Variants in GRIA1 observed in about 807,000 individuals in gnomAD.
The protein encoded by GRIA1 is glutamate ionotropic receptor AMPA type subunit 1, also known as glutamate receptor 1.
In GRIA1, 31 loss-of-function variants were observed where a neutral mutation model predicts 99.2. The ratio of observed to expected loss-of-function variants is 0.31; its 90% CI spans 0.23 to 0.42. The LOEUF (loss-of-function observed/expected upper bound fraction) is 0.42. GRIA1 is among the 10% of genes least tolerant of loss of function. GRIA1 has a pLI of 1.00. For missense variants in GRIA1, 782 were observed against 1,157.5 expected (o/e 0.68, Z 4.71); for synonymous variants, 438 against 432.4 (o/e 1.01, Z -0.16).
At chr5:153,763,102 T>C (rs6891142) in intron 11 of GRIA1, among the ~76,000 whole-genome samples, 8,009 of 152,276 alleles carry the variant, frequency 0.053, 234 homozygotes, top group Middle Eastern at 0.13. Flanking sequence ...AGCATTCTTT[T>C]CCACATAGCA....
In GRIA1 at chr5:153,656,383, TTATA is replaced by T. The variant is rs60245651; in HGVS notation, c.699+539_699+542del. 6.0e-4 allele frequency among the ~76,000 whole-genome samples: 56 copies of T among 92,660 alleles called. 2 individuals are homozygous for T. The highest frequency in any genetic ancestry group is 1.1e-3 in the African/African-American group (26 of 23,628). The allele number at this position is 92,660 out of a possible 152,430, so 60.8% of individuals were successfully genotyped here. A position where few individuals can be genotyped will look rare whatever the true frequency, so the allele number is the denominator to read the frequency against. ...TTCTATATGGCATAGATAAGTTTGT[TTATA>T]TATATATATATATATATATATATAT... On this transcript the variant is annotated intron_variant, in intron 5 of 15. Coordinates refer to ENST00000285900, the MANE Select transcript of GRIA1 (RefSeq NM_000827.4).
chr5:153,625,334 C>T (rs931819515), intron 2 of GRIA1, among the ~76,000 whole-genome samples: 21 of 152,218 alleles, frequency 1.4e-4, no homozygotes, highest in African/African-American at 5.1e-4. Flanking sequence ...CCCAGCTATT[C>T]AGCATCCATT....
At chr5:153,631,309 C>A (rs1752950142) in intron 2 of GRIA1, among the ~76,000 whole-genome samples, 1 of 152,222 alleles carries the variant, frequency 6.6e-6, no homozygotes, top group African/African-American at 2.4e-5. Context: ...GAGTCAAAAG[C>A]TCCTGGCCAG....
At chr5:153,647,938 G>A (rs17593685) in intron 3 of GRIA1, among the ~76,000 whole-genome samples, 8,022 of 152,254 alleles carry the variant, frequency 0.053, 307 homozygotes, top group Non-Finnish European at 0.075. Flanking sequence ...GTGGATGGGA[G>A]CACTCTCTCC....
intron 2 of GRIA1, among the ~76,000 whole-genome samples, chr5:153,544,324 C>A (rs1290021640): frequency 6.6e-6 from 1 of 152,100 alleles, no homozygotes; most frequent in Admixed American, 6.6e-5. Context: ...TGGCAACAGG[C>A]AATGGGTCTG....
chr5:153,699,307 C>T (rs4635983), intron 10 of GRIA1, among the ~76,000 whole-genome samples: 15,292 of 152,194 alleles, frequency 0.1, 871 homozygotes, highest in African/African-American at 0.15. Flanking sequence ...AGTTGATTGT[C>T]GTCCAACACA....
intron 2 of GRIA1, among the ~76,000 whole-genome samples, chr5:153,646,586 T>C (rs1754166486): frequency 6.6e-6 from 1 of 152,196 alleles, no homozygotes. Flanking sequence ...AGGTAATAGA[T>C]GAAAGTGTCT....
intron 11 of GRIA1, among the ~76,000 whole-genome samples, chr5:153,720,360 A>C (rs1759968820): frequency 6.6e-6 from 1 of 152,224 alleles, no homozygotes; most frequent in Non-Finnish European, 1.5e-5. Context: ...GCAAATGAAA[A>C]GAGACAGGAG....
chr5:153,731,754 T>C, intron 11 of GRIA1, among the ~76,000 whole-genome samples: 1 of 152,166 alleles, frequency 6.6e-6, no homozygotes, highest in East Asian at 1.9e-4. Context: ...GGGAACAGGG[T>C]GATAACATTT....
At chr5:153,535,149 T>C (rs1758449663) in intron 2 of GRIA1, among the ~76,000 whole-genome samples, 1 of 152,146 alleles carries the variant, frequency 6.6e-6, no homozygotes, top group Non-Finnish European at 1.5e-5. Flanking sequence ...CTTGAACTCC[T>C]GACCTCAAGC....
chr5:153,492,787 CA>C (rs397716942), intron 1 of GRIA1, among the ~76,000 whole-genome samples: 12 of 146,806 alleles, frequency 8.2e-5, no homozygotes, highest in Non-Finnish European at 1.2e-4. Context: ...CTACTGTTTT[CA>C]AAAAAAAAAG....
chr5:153,742,498 G>A (rs1561820399), intron 11 of GRIA1, among the ~76,000 whole-genome samples: 1 of 152,140 alleles, frequency 6.6e-6, no homozygotes, highest in East Asian at 1.9e-4. Context: ...GGCTTTGCAG[G>A]GCTAAAATAA....
chr5:153,584,773 G>A (rs1184050638), intron 2 of GRIA1, among the ~76,000 whole-genome samples: 1 of 152,180 alleles, frequency 6.6e-6, no homozygotes, highest in African/African-American at 2.4e-5. Flanking sequence ...TGACTACAAT[G>A]TGGTATTTTA....
intron 2 of GRIA1, among the ~76,000 whole-genome samples, chr5:153,626,251 C>G (rs1252412459): frequency 1.3e-5 from 2 of 152,152 alleles, no homozygotes; most frequent in Admixed American, 6.5e-5. Flanking sequence ...GCTGATTGAG[C>G]AAATGCTGAG....
chr5:153,490,916 A>G lies in GRIA1; in HGVS notation c.28A>G (p.Thr10Ala). Residue 10 changes from threonine (T) to alanine (A), a missense_variant, in exon 1 of 16, where the codon ACC (threonine) becomes GCC (alanine). Thr to Ala is a moderately conservative substitution (Grantham distance 58). Around this residue, in one of 5 missense-constraint regions of GRIA1, gnomAD observed 461 missense variants for 521.7 expected, o/e 0.88. Coordinates refer to ENST00000285900, the MANE Select transcript of GRIA1 (RefSeq NM_000827.4). ...GCAGCACATTTTTGCCTTCTTCTGCACCGGTTTCCTAGGCGCGGTAGTAGG... is the reference window on the plus strand; with the variant it reads ...GCAGCACATTTTTGCCTTCTTCTGCGCCGGTTTCCTAGGCGCGGTAGTAGG... MQHIFAFFC[T>A]GFLGAVVGAN... 2 of 1,614,136 alleles carry G rather than the reference A, an allele frequency of 1.2e-6. No individual in the cohort carries two copies. Among genetic ancestry groups the G allele is most frequent in the Non-Finnish European group, 1.7e-6 (2 of 1,180,000 alleles).
At chr5:153,627,294 C>G (rs1052151215) in intron 2 of GRIA1, among the ~76,000 whole-genome samples, 5 of 152,124 alleles carry the variant, frequency 3.3e-5, no homozygotes, top group Non-Finnish European at 7.3e-5. Flanking sequence ...CTATTATTTC[C>G]ATAATACAGA....
intron 11 of GRIA1, among the ~76,000 whole-genome samples, chr5:153,741,512 C>T (rs1373330326): frequency 6.6e-6 from 1 of 152,154 alleles, no homozygotes; most frequent in Non-Finnish European, 1.5e-5. Context: ...CCTAAATGTA[C>T]ATTGACAGAT....
chr5:153,740,703 T>G (rs1761721055), intron 11 of GRIA1, among the ~76,000 whole-genome samples: 1 of 152,214 alleles, frequency 6.6e-6, no homozygotes, highest in Admixed American at 6.5e-5. Flanking sequence ...TCCATTTCCA[T>G]ACTGATGCTA....
At chr5:153,686,860 C>T (rs560264586) in intron 8 of GRIA1, among the ~76,000 whole-genome samples, 5 of 152,176 alleles carry the variant, frequency 3.3e-5, no homozygotes, top group African/African-American at 7.2e-5. Flanking sequence ...AATAACATTT[C>T]GAATTCTACC....
Sources: gnomAD v4.1 joint callset for allele counts (sites outside exome capture counted in the v4.1 genomes callset) on GRCh38, gnomAD v4.1.1 for gene constraint, gnomAD v4.1.1 regional missense constraint, MANE v1.5 for transcripts, NCBI Gene and HGNC (gene_info 2026-07-23, HGNC 2026-07-21) for gene names.